ZFHX3: variants seen among roughly 807,000 people sequenced by gnomAD.
ZFHX3 encodes the protein zinc finger homeobox protein 3.
Under a neutral mutation model 279.1 loss-of-function variants are expected in ZFHX3, and 42 were observed. The observed-to-expected ratio is 0.15, with a 90% CI of 0.12 to 0.19. ZFHX3 has a LOEUF of 0.19. Among genes scored for constraint, ZFHX3 ranks in the 10% least tolerant of loss-of-function variants. The pLI, the probability that ZFHX3 is intolerant of heterozygous loss-of-function variation, is 1.00. For missense variants in ZFHX3, 4,981 were observed against 4,754.0 expected (o/e 1.05, Z -1.40); for synonymous variants, 2,293 against 1,957.8 (o/e 1.17, Z -4.52).
intron 3 of ZFHX3, among the ~76,000 whole-genome samples, chr16:73,429,218 G>A (rs1186281301): frequency 6.6e-6 from 1 of 152,156 alleles, no homozygotes; most frequent in Non-Finnish European, 1.5e-5. Flanking sequence ...GAGCAAAGTA[G>A]GTAAAGTAAG....
intron 1 of ZFHX3, among the ~76,000 whole-genome samples, chr16:73,841,785 A>T (rs1961315140): frequency 6.6e-6 from 1 of 152,204 alleles, no homozygotes; most frequent in Admixed American, 6.5e-5. Context: ...TTTTTCCATG[A>T]TACTCAGCAG....
chr16:72,934,280 T>C (rs1346126317), intron 3 of ZFHX3, among the ~76,000 whole-genome samples: 1 of 152,030 alleles, frequency 6.6e-6, no homozygotes, highest in Non-Finnish European at 1.5e-5. Context: ...CAAAAAAAGT[T>C]AGCCGGGCCT....
In ZFHX3 at chr16:73,282,950, G is replaced by A. The variant is rs138241322; in HGVS notation, c.-1193-25814C>T. Among the ~76,000 whole-genome samples the A allele has an allele frequency of 2.8e-3, 423 of 152,248 alleles. 2 individuals are homozygous for A. The highest frequency in any genetic ancestry group is 5.7e-3 in the African/African-American group (238 of 41,550). ...TTATGTGTCAGGCACTATTCTTAAT[G>A]TTAGGGAAAAGCCTGTTAGGGAAAC... On this transcript the variant is annotated intron_variant, in intron 4 of 17. Coordinates refer to the ZFHX3 transcript ENST00000641206.
chr16:73,004,159 CTTTTTTTTTTTTT>C (rs3081625), intron 1 of ZFHX3, among the ~76,000 whole-genome samples: 2 of 49,372 alleles, frequency 4.1e-5, no homozygotes, highest in Admixed American at 6.6e-4. Context: ...AAAAACACGA[CTTTTTTTTTTTTT>C]TTTTTTTTTT....
chr16:73,654,854 C>CTTTTTTTTTTTTTTTTTTTTTTTT lies in ZFHX3; in HGVS notation c.-1547+25302_-1547+25325dup, dbSNP rs1382941693. On this transcript the variant is annotated intron_variant, in intron 2 of 17. Transcript: ENST00000641206. ...TCTCTCTTCTAAACGATAGTAATCA[C>CTTTTTTTTTTTTTTTTTTTTTTTT]TTTTTTTTTTTTTTTTTTTTTTTTG... Among the ~76,000 whole-genome samples, 2 of 64,126 alleles carry CTTTTTTTTTTTTTTTTTTTTTTTT rather than the reference C, an allele frequency of 3.1e-5. 1 individual carries two copies. The highest frequency in any genetic ancestry group is 1.3e-3 in the South Asian group (2 of 1,590). The allele number at this position is 64,126 out of a possible 152,430, so 42.1% of individuals were successfully genotyped here.
intron 1 of ZFHX3, among the ~76,000 whole-genome samples, chr16:73,860,334 A>G (rs1370021088): frequency 6.6e-6 from 1 of 151,848 alleles, no homozygotes; most frequent in Non-Finnish European, 1.5e-5. Flanking sequence ...AATTTCTTGC[A>G]ACTTTTCAAA....
intron 1 of ZFHX3, among the ~76,000 whole-genome samples, chr16:73,890,599 C>T (rs1482335795): frequency 2.0e-5 from 3 of 152,076 alleles, no homozygotes; most frequent in Non-Finnish European, 4.4e-5. Context: ...TTCTTTTTCT[C>T]TTTTGCATAC....
chr16:73,592,196 G>A (rs1198887385), intron 2 of ZFHX3, among the ~76,000 whole-genome samples: 1 of 152,166 alleles, frequency 6.6e-6, no homozygotes. Flanking sequence ...TCACACCACT[G>A]TACTCCAGCA....
intron 2 of ZFHX3, among the ~76,000 whole-genome samples, chr16:73,604,857 G>A (rs1332519266): frequency 1.3e-5 from 2 of 151,974 alleles, no homozygotes; most frequent in South Asian, 2.1e-4. Context: ...ACCAGTTTTG[G>A]TCACGATGTC....
At chr16:73,450,483 G>GA (rs1380863156) in intron 3 of ZFHX3, among the ~76,000 whole-genome samples, 8 of 152,002 alleles carry the variant, frequency 5.3e-5, no homozygotes, top group Non-Finnish European at 7.4e-5. Flanking sequence ...TTCCATAAAA[G>GA]AAAAAATATA....
At chr16:73,509,788 G>A (rs545329424) in intron 2 of ZFHX3, among the ~76,000 whole-genome samples, 12 of 140,634 alleles carry the variant, frequency 8.5e-5, no homozygotes, top group African/African-American at 2.1e-4. Flanking sequence ...CTCCACCCCC[G>A]GGGTTCAAGC....
chr16:73,771,406 G>A (rs1315990217), intron 1 of ZFHX3, among the ~76,000 whole-genome samples: 1 of 152,204 alleles, frequency 6.6e-6, no homozygotes, highest in Non-Finnish European at 1.5e-5. Context: ...CAAGCATGCA[G>A]ATGAGGAGGG....
chr16:73,856,071 A>T (rs746588111), intron 1 of ZFHX3, among the ~76,000 whole-genome samples: 1 of 152,216 alleles, frequency 6.6e-6, no homozygotes, highest in Non-Finnish European at 1.5e-5. Flanking sequence ...AATGTTTCCA[A>T]TACAGCCTTA....
At chr16:73,505,818 GAGCAC>G (rs1363478889) in intron 2 of ZFHX3, among the ~76,000 whole-genome samples, 1 of 152,246 alleles carries the variant, frequency 6.6e-6, no homozygotes, top group African/African-American at 2.4e-5. Context: ...AGGCATTGCA[GAGCAC>G]AGCCAAGGAG....
chr16:73,837,164 A>G (rs1364396923), intron 1 of ZFHX3, among the ~76,000 whole-genome samples: 1 of 152,230 alleles, frequency 6.6e-6, no homozygotes, highest in Non-Finnish European at 1.5e-5. Context: ...TCTAGGAATG[A>G]CAATGATGAA....
In ZFHX3 at chr16:72,797,926, C is replaced by G. The variant is rs1416393099; in HGVS notation, c.4756G>C (p.Glu1586Gln). 1.2e-6 allele frequency: 2 copies of G among 1,614,060 alleles called. No individual in the cohort carries two copies. The highest frequency in any genetic ancestry group is 3.3e-5 in the Admixed American group (2 of 60,006). The change falls in exon 9 of 10, where the codon GAA (glutamate) becomes CAA (glutamine). Residue 1586 changes from glutamate (E) to glutamine (Q), a missense_variant. By Grantham distance (29) the Glu-to-Gln change is conservative. Coordinates refer to ENST00000268489, the MANE Select transcript of ZFHX3 (RefSeq NM_006885.4). ...ALQESATGQP[E>Q]PTSSPDNKPF... The stretch of plus-strand genomic sequence containing the variant: ...TTGTTGTCTGGGCTGCTGGTGGGTT[C>G]TGGCTGACCGGTTGCTGATTCTTGA...
chr16:73,423,046 GA>G (rs1555515620), intron 3 of ZFHX3, among the ~76,000 whole-genome samples: 4 of 152,056 alleles, frequency 2.6e-5, no homozygotes, highest in Non-Finnish European at 5.9e-5. Flanking sequence ...TTTCTTATAA[GA>G]ATCCCAGTCA....
intron 4 of ZFHX3, among the ~76,000 whole-genome samples, chr16:73,308,254 TATATATATATATATATATATA>T (rs2015233944): frequency 1.1e-3 from 35 of 32,938 alleles, no homozygotes; most frequent in South Asian, 9.6e-3. Flanking sequence ...TATATATATA[TATATATATATATATATATATA>T]TATTTATTTA....
chr16:73,540,433 C>G (rs1222940615), intron 2 of ZFHX3, among the ~76,000 whole-genome samples: 2 of 152,182 alleles, frequency 1.3e-5, no homozygotes, highest in African/African-American at 4.8e-5. Context: ...CCCAAAGATC[C>G]CAGCTCCTAA....
Sources: gnomAD v4.1 joint callset for allele counts (sites outside exome capture counted in the v4.1 genomes callset) on GRCh38, gnomAD v4.1.1 for gene constraint, MANE v1.5 for transcripts, NCBI Gene and HGNC (gene_info 2026-07-23, HGNC 2026-07-21) for gene names.